MGAM: variants seen among roughly 807,000 people sequenced by gnomAD.
The protein encoded by MGAM is alpha-1,4-glucosidase.
A neutral mutation model predicts 358.8 loss-of-function variants in MGAM; 253 were observed. The observed-to-expected ratio is 0.71, with a 90% confidence interval of 0.64 to 0.78. The LOEUF is 0.78. MGAM is among the 30% of genes least tolerant of loss of function. The pLI is 0.00. For synonymous variants in MGAM, 1,105 were observed against 1,227.1 expected (o/e 0.90, Z 2.08); for missense variants, 3,080 against 3,432.6 (o/e 0.90, Z 2.57).
intron 3 of MGAM, among the ~76,000 whole-genome samples, chr7:142,009,666 A>G (rs1269013088): frequency 6.6e-6 from 1 of 152,176 alleles, no homozygotes; most frequent in African/African-American, 2.4e-5. Context: ...GCTTTTCTAC[A>G]TGTCATATCT....
At chr7:141,991,933 G>T (rs1803965148), upstream of MGAM, among the ~76,000 whole-genome samples, 1 of 152,154 alleles carries the variant, frequency 6.6e-6, no homozygotes, top group African/African-American at 2.4e-5. Context: ...TTGGAGCTAA[G>T]CCTTTAAACT....
intron 38 of MGAM, 50 bp from the exon 39 acceptor site, chr7:142,065,538 G>A (rs1358857532): frequency 1.2e-5 from 19 of 1,614,016 alleles, no homozygotes; most frequent in Non-Finnish European, 1.5e-5. Flanking sequence ...AAGAGGTGAG[G>A]AGGCAGATCA....
Position 142,008,502 on chromosome 7 carries a change from A to T in MGAM, c.128-4A>T. On this transcript the variant is annotated splice_polypyrimidine_tract_variant and splice_region_variant and intron_variant, in intron 2 of 70. Transcript: ENST00000475668. The stretch of plus-strand genomic sequence containing the variant: ...TGGTCTTTTTATGTTTGCTTTTGGT[A>T]TAGCCCCAGATCCTGGGACAACTGG... 1 of 1,605,110 alleles carries T rather than the reference A, an allele frequency of 6.2e-7. No homozygotes were observed. Among genetic ancestry groups the T allele is most frequent in the Non-Finnish European group, 8.5e-7 (1 of 1,175,626 alleles).
chr7:142,041,471 A>C (rs1054597765), intron 21 of MGAM, among the ~76,000 whole-genome samples: 3 of 151,952 alleles, frequency 2.0e-5, no homozygotes, highest in Non-Finnish European at 4.4e-5. Flanking sequence ...TCCTTTTTCT[A>C]ACTGTTCACC....
intron 12 of MGAM, among the ~76,000 whole-genome samples, chr7:142,031,119 G>A (rs904093269): frequency 2.6e-5 from 4 of 152,084 alleles, no homozygotes; most frequent in African/African-American, 9.7e-5. Context: ...TAAGTCCAGC[G>A]GAACTGTTTC....
At chr7:142,041,023 G>A (rs1037103287) in intron 21 of MGAM, among the ~76,000 whole-genome samples, 177 bp downstream of exon 21, 11 of 152,066 alleles carry the variant, frequency 7.2e-5, no homozygotes, top group African/African-American at 2.4e-4. Context: ...GGGCAAACCA[G>A]GTCAGTTGAT....
chr7:142,011,275 T>A (rs1805569018), intron 3 of MGAM, among the ~76,000 whole-genome samples: 3 of 152,212 alleles, frequency 2.0e-5, no homozygotes, highest in Admixed American at 6.5e-5. Flanking sequence ...ATTTGGCTTA[T>A]GATATCCTTT....
intron 3 of MGAM, among the ~76,000 whole-genome samples, chr7:142,013,770 TG>T (rs1158632625): frequency 1.3e-5 from 2 of 152,220 alleles, no homozygotes; most frequent in Non-Finnish European, 2.9e-5. Flanking sequence ...AGGTTTTTTC[TG>T]GTTCTTCTCT....
At chr7:142,044,551 A>G (rs183213879) in intron 21 of MGAM, among the ~76,000 whole-genome samples, 2,675 of 133,778 alleles carry the variant, frequency 0.02, 68 homozygotes, top group Middle Eastern at 0.036. Flanking sequence ...TATATAATGT[A>G]TATTATATAC....
At chr7:142,034,214 A>C (rs1807765082) in intron 14 of MGAM, 48 bp from the exon 15 acceptor site, 1 of 1,394,874 alleles carries the variant, frequency 7.2e-7, no homozygotes, top group Non-Finnish European at 1.0e-6. Context: ...CAAGGAGCAG[A>C]AAATGTGCAA....
chr7:142,045,462 T>G (rs1248420061), intron 21 of MGAM, among the ~76,000 whole-genome samples: 1 of 111,672 alleles, frequency 9.0e-6, no homozygotes, highest in Non-Finnish European at 1.6e-5. Flanking sequence ...ATACATGATA[T>G]ATTATATATA....
At chr7:142,042,031 T>TG (rs1461880350) in intron 21 of MGAM, among the ~76,000 whole-genome samples, 2 of 8,916 alleles carry the variant, frequency 2.2e-4, no homozygotes, top group African/African-American at 8.0e-4. Flanking sequence ...ATATATTATA[T>TG]TATATACATA....
intron 2 of MGAM, among the ~76,000 whole-genome samples, chr7:141,989,767 A>G (rs1417525069): frequency 2.6e-5 from 4 of 152,192 alleles, no homozygotes; most frequent in Non-Finnish European, 4.4e-5. Flanking sequence ...AGTTGAAATC[A>G]TCTGAAAATT....
chr7:142,088,884 C>G (rs1815087187), intron 57 of MGAM, among the ~76,000 whole-genome samples: 1 of 137,602 alleles, frequency 7.3e-6, no homozygotes, highest in South Asian at 2.3e-4. Context: ...CTATCTCCAC[C>G]TCTATTCATC....
At chr7:142,010,618 A>G (rs1011009322) in intron 3 of MGAM, among the ~76,000 whole-genome samples, 2 of 151,884 alleles carry the variant, frequency 1.3e-5, no homozygotes, top group Non-Finnish European at 1.5e-5. Flanking sequence ...TCTGAATTCC[A>G]TTTCTCCTAT....
In MGAM at chr7:142,072,047, A is replaced by G. The variant is rs190525150; in HGVS notation, c.5186+929A>G. Among the ~76,000 whole-genome samples the G allele has an allele frequency of 7.2e-3, 1,052 of 146,164 alleles. 139 individuals are homozygous for G. Among genetic ancestry groups the G allele is most frequent in the Middle Eastern group, 0.011 (3 of 282 alleles). ...AATGGGAAATATCCCTAAATCCAAT[A>G]CCAGTTGGCTTCCATTTTCTAACTG... On this transcript the variant is annotated intron_variant, in intron 44 of 70. Coordinates refer to ENST00000475668, the MANE Select transcript of MGAM (RefSeq NM_001365693.1).
At position 142,086,279 on chromosome 7, in the gene MGAM, A is replaced by G; in HGVS notation, c.6698A>G (p.Asp2233Gly). 1 of 1,543,938 alleles carries G rather than the reference A, an allele frequency of 6.5e-7. No homozygotes were observed. The highest frequency in any genetic ancestry group is 1.3e-5 in the African/African-American group (1 of 74,406). Residue 2233 changes from aspartate (D) to glycine (G), a missense_variant, in exon 56 of 71, where the codon GAT (aspartate) becomes GGT (glycine). This residue lies in a region of MGAM where 932 missense variants were observed against 1,198.2 expected (regional missense o/e 0.78). Coordinates refer to ENST00000475668, the MANE Select transcript of MGAM (RefSeq NM_001365693.1). ...PYPAFTRGVE[D>G]DVFIKYPNDG... ...CCTGCCTTCACTCGGGGCGTGGAGG[A>G]TGACGTCTTCATCAAGTACCCAAAT...
At chr7:142,000,656 G>C (rs1490593797) in intron 1 of MGAM, among the ~76,000 whole-genome samples, 1 of 152,154 alleles carries the variant, frequency 6.6e-6, no homozygotes, top group Non-Finnish European at 1.5e-5. Flanking sequence ...ACTGATTGCT[G>C]TCTCTATGGA....
intron 1 of MGAM, among the ~76,000 whole-genome samples, chr7:142,004,096 A>T (rs1804962868): frequency 6.6e-6 from 1 of 152,060 alleles, no homozygotes. Flanking sequence ...TTTAGTGAGG[A>T]TGTAAATTAG....
Sources: gnomAD v4.1 joint callset for allele counts (sites outside exome capture counted in the v4.1 genomes callset) on GRCh38, gnomAD v4.1.1 for gene constraint, gnomAD v4.1.1 regional missense constraint, MANE v1.5 for transcripts, NCBI Gene and HGNC (gene_info 2026-07-23, HGNC 2026-07-21) for gene names.